The following CSMD1 variants were observed in gnomAD, a reference collection of about 807,000 sequenced individuals.
The protein encoded by CSMD1 is CUB and Sushi multiple domains 1.
In CSMD1, 213 loss-of-function variants were observed where a neutral mutation model predicts 417.5. The observed-to-expected ratio is 0.51, with a 90% confidence interval of 0.46 to 0.57. The LOEUF (loss-of-function observed/expected upper bound fraction) is 0.57. CSMD1 is among the 20% of genes least tolerant of loss of function. The pLI, the probability that CSMD1 is intolerant of heterozygous loss-of-function variation, is 0.00. For missense variants in CSMD1, 6,923 were observed against 4,529.7 expected (o/e 1.53, Z -15.17); for synonymous variants, 2,862 against 1,736.8 (o/e 1.65, Z -16.11).
intron 52 of CSMD1, among the ~76,000 whole-genome samples, chr8:3,011,164 A>G (rs1238347747): frequency 1.3e-5 from 2 of 152,260 alleles, no homozygotes; most frequent in African/African-American, 2.4e-5. Flanking sequence ...AAATATCATT[A>G]AATACTATTC....
chr8:4,579,548 G>C (rs773420878), intron 2 of CSMD1, among the ~76,000 whole-genome samples: 6 of 151,986 alleles, frequency 3.9e-5, no homozygotes, highest in Non-Finnish European at 8.8e-5. Flanking sequence ...ATTTTTAGTA[G>C]AGATGGGGTC....
chr8:3,086,854 C>A (rs1467687719), intron 49 of CSMD1, among the ~76,000 whole-genome samples: 1 of 152,182 alleles, frequency 6.6e-6, no homozygotes, highest in Non-Finnish European at 1.5e-5. Context: ...GGAAGTACAA[C>A]TGTTAGAATA....
At chr8:4,534,965 G>A (rs1277815700) in intron 2 of CSMD1, among the ~76,000 whole-genome samples, 2 of 151,934 alleles carry the variant, frequency 1.3e-5, no homozygotes, top group African/African-American at 4.8e-5. Flanking sequence ...GTTTCCCCAT[G>A]TTAGCCAGGA....
intron 53 of CSMD1, among the ~76,000 whole-genome samples, chr8:2,999,043 G>A (rs1053699444): frequency 1.3e-5 from 2 of 152,090 alleles, no homozygotes; most frequent in African/African-American, 2.4e-5. Context: ...GCAATAAAGT[G>A]AGAGTACATT....
At chr8:4,896,330 C>T (rs1804477991) in intron 1 of CSMD1, among the ~76,000 whole-genome samples, 1 of 152,068 alleles carries the variant, frequency 6.6e-6, no homozygotes, top group East Asian at 1.9e-4. Context: ...ATTTAATTCA[C>T]ACTTTAATCT....
intron 5 of CSMD1, among the ~76,000 whole-genome samples, chr8:3,908,563 G>A (rs952587899): frequency 2.6e-5 from 4 of 152,064 alleles, no homozygotes; most frequent in African/African-American, 9.7e-5. Flanking sequence ...TAGCTATGGA[G>A]CTCACATTTG....
intron 1 of CSMD1, among the ~76,000 whole-genome samples, chr8:4,973,353 G>C (rs1299080331): frequency 6.6e-6 from 1 of 152,128 alleles, no homozygotes. Context: ...ACAAACATTT[G>C]AAATCATTTC....
intron 9 of CSMD1, among the ~76,000 whole-genome samples, chr8:3,582,412 G>T (rs1490088188): frequency 1.3e-5 from 2 of 152,190 alleles, no homozygotes; most frequent in Non-Finnish European, 2.9e-5. Context: ...GCCAACCTGA[G>T]GAACTTACGT....
At chr8:3,553,702 T>TA (rs1474077483) in intron 10 of CSMD1, among the ~76,000 whole-genome samples, 3 of 152,230 alleles carry the variant, frequency 2.0e-5, no homozygotes, top group African/African-American at 7.2e-5. Flanking sequence ...GGTCCATAGT[T>TA]ACAAATATTC....
At chr8:3,042,792 T>C (rs892067087) in intron 50 of CSMD1, among the ~76,000 whole-genome samples, 1 of 152,114 alleles carries the variant, frequency 6.6e-6, no homozygotes, top group South Asian at 2.1e-4. Flanking sequence ...TTTTTCTACA[T>C]TGAGTTATTT....
intron 3 of CSMD1, among the ~76,000 whole-genome samples, chr8:4,345,923 G>A (rs1229663539): frequency 6.6e-6 from 1 of 151,892 alleles, no homozygotes; most frequent in Admixed American, 6.6e-5. Context: ...AACAAGGGAG[G>A]GGCTTTTCTT....
intron 23 of CSMD1, among the ~76,000 whole-genome samples, chr8:3,319,251 A>G (rs886657454): frequency 3.3e-5 from 5 of 152,210 alleles, no homozygotes; most frequent in Admixed American, 6.5e-5. Context: ...TATCTTGACT[A>G]TCCCGAGCAT....
At position 4,296,510 on chromosome 8, in the gene CSMD1, G is replaced by T. The variant is rs186997020; in HGVS notation, c.415+123443C>A. Among the ~76,000 whole-genome samples, 589 of 152,014 alleles carry T rather than the reference G, an allele frequency of 3.9e-3. 5 individuals are homozygous for T. The highest frequency in any genetic ancestry group is 0.035 in the South Asian group (168 of 4,818). ...ATTAATATCTTTTCCCAAAGAGAGGGTTTATCTATTTCTGATGTTAAGCAT... is the reference window on the plus strand; with the variant it reads ...ATTAATATCTTTTCCCAAAGAGAGGTTTTATCTATTTCTGATGTTAAGCAT... On this transcript the variant is annotated intron_variant, in intron 3 of 69. Transcript: ENST00000635120.
intron 18 of CSMD1, among the ~76,000 whole-genome samples, chr8:3,381,815 G>C (rs1007328230): frequency 6.6e-6 from 1 of 152,124 alleles, no homozygotes; most frequent in Admixed American, 6.5e-5. Context: ...TATCTCTGAA[G>C]AGGCGAGCAT....
intron 10 of CSMD1, among the ~76,000 whole-genome samples, chr8:3,557,904 C>G (rs775090346): frequency 3.3e-5 from 5 of 152,058 alleles, no homozygotes; most frequent in Admixed American, 3.3e-4. Context: ...ATAAGTTATA[C>G]GGTCAACTCC....
At chr8:3,547,992 T>A (rs1336437985) in intron 10 of CSMD1, among the ~76,000 whole-genome samples, 9 of 151,872 alleles carry the variant, frequency 5.9e-5, no homozygotes, top group Admixed American at 5.9e-4. Flanking sequence ...AAGAAAAAAA[T>A]AACTAAAAGA....
chr8:3,447,781 T>A (rs1317049650), intron 12 of CSMD1, among the ~76,000 whole-genome samples: 1 of 152,108 alleles, frequency 6.6e-6, no homozygotes, highest in Non-Finnish European at 1.5e-5. Flanking sequence ...GATGTGGCAG[T>A]GGATGGAGGG....
At chr8:4,426,664 ATATTT>A (rs1237445793) in intron 2 of CSMD1, among the ~76,000 whole-genome samples, 18 of 146,962 alleles carry the variant, frequency 1.2e-4, no homozygotes, top group African/African-American at 3.4e-4. Context: ...TTTTATAGTA[ATATTT>A]TATTATATAA....
At chr8:4,845,603 A>G (rs1801096159) in intron 1 of CSMD1, among the ~76,000 whole-genome samples, 1 of 152,210 alleles carries the variant, frequency 6.6e-6, no homozygotes, top group Non-Finnish European at 1.5e-5. Flanking sequence ...GGTTCCTACC[A>G]TGTGCCAGGC....
Sources: gnomAD v4.1 joint callset for allele counts (sites outside exome capture counted in the v4.1 genomes callset) on GRCh38, gnomAD v4.1.1 for gene constraint, MANE v1.5 for transcripts, NCBI Gene and HGNC (gene_info 2026-07-23, HGNC 2026-07-21) for gene names.